CAPN13: variants seen among roughly 807,000 people sequenced by gnomAD.
The protein encoded by CAPN13 is calpain-13.
A neutral mutation model predicts 98.4 loss-of-function variants in CAPN13; 90 were observed. That is an observed-to-expected ratio of 0.92 (90% CI 0.77 to 1.09). The LOEUF is 1.09. Ranked by LOEUF, CAPN13 falls within the 50% of genes least tolerant of loss-of-function variation. The pLI, the probability that CAPN13 is intolerant of heterozygous loss-of-function variation, is 0.00. For missense variants in CAPN13, 887 were observed against 841.3 expected, an observed-to-expected ratio of 1.05 and a Z score of -0.67; for synonymous variants, 330 against 305.5, an observed-to-expected ratio of 1.08 and a Z score of -0.84.
intron 2 of CAPN13, among the ~76,000 whole-genome samples, chr2:30,785,526 T>C (rs1674228932): frequency 6.6e-6 from 1 of 152,204 alleles, no homozygotes; most frequent in Non-Finnish European, 1.5e-5. Flanking sequence ...GAAAAGCAGA[T>C]TCGGCCCCTG....
At chr2:30,800,009 G>A (rs542070765) in intron 1 of CAPN13, among the ~76,000 whole-genome samples, 7 of 151,958 alleles carry the variant, frequency 4.6e-5, no homozygotes, top group Non-Finnish European at 8.8e-5. Flanking sequence ...GGGAGGCAGA[G>A]CTTGCAGTGA....
intron 5 of CAPN13, among the ~76,000 whole-genome samples, chr2:30,768,430 G>A (rs150275805): frequency 3.0e-4 from 46 of 152,296 alleles, no homozygotes; most frequent in African/African-American, 1.0e-3. Flanking sequence ...CTGGGTGGGA[G>A]GAGGAGGAGC....
At chr2:30,728,319 T>C (rs34079417) in intron 22 of CAPN13, among the ~76,000 whole-genome samples, 41,629 of 151,784 alleles carry the variant, frequency 0.27, 6,711 homozygotes, top group East Asian at 0.49. Flanking sequence ...AACTCTACAA[T>C]GTGTGAATTA....
intron 17 of CAPN13, 37 bp downstream of exon 17, chr2:30,738,198 G>C (rs377630629): frequency 6.2e-7 from 1 of 1,612,094 alleles, no homozygotes; most frequent in South Asian, 1.1e-5. Context: ...GAGCTGAGGG[G>C]TGCTCAGAGC....
At chr2:30,797,642 C>G (rs1308605966) in intron 1 of CAPN13, among the ~76,000 whole-genome samples, 1 of 152,178 alleles carries the variant, frequency 6.6e-6, no homozygotes, top group East Asian at 1.9e-4. Flanking sequence ...TGGCCCTGAA[C>G]TTGAGCCCAG....
intron 7 of CAPN13, among the ~76,000 whole-genome samples, chr2:30,761,497 G>T (rs1338264114): frequency 1.3e-5 from 2 of 152,288 alleles, no homozygotes; most frequent in East Asian, 3.9e-4. Context: ...GCCAGCCTCT[G>T]CGGGGACTCA....
At chr2:30,788,339 T>C (rs150522274) in intron 1 of CAPN13, among the ~76,000 whole-genome samples, 9 of 152,310 alleles carry the variant, frequency 5.9e-5, no homozygotes, top group Non-Finnish European at 8.8e-5. Flanking sequence ...CAGTAAATGT[T>C]AGCATCCCAA....
Position 30,738,277 on chromosome 2 carries a change from C to T in CAPN13, c.1611G>A (p.Met537Ile), listed in dbSNP as rs1671476725. Residue 537 changes from methionine (M) to isoleucine (I), a missense_variant, in exon 17 of 23, where the codon ATG (methionine) becomes ATA (isoleucine). Physicochemically the swap from Met to Ile is conservative, Grantham distance 10. Coordinates refer to ENST00000295055, the MANE Select transcript of CAPN13 (RefSeq NM_144575.3). ...QELLTGPPGD[M>I]FSLDECRSLV... is the part of the protein sequence containing the mutation. ...AGCTGCGGCACTCATCTAAGGAGAA[C>T]ATGTCCCCTGGAGGTCCTGAGGAGA... 6.2e-6 allele frequency: 10 copies of T among 1,613,810 alleles called. No individual in the cohort carries two copies. The South Asian group carries it at 1.1e-4, about 18-fold the overall frequency.
At chr2:30,776,204 G>A (rs549517888) in intron 3 of CAPN13, among the ~76,000 whole-genome samples, 159 bp from the exon 4 acceptor site, 1 of 152,208 alleles carries the variant, frequency 6.6e-6, no homozygotes, top group African/African-American at 2.4e-5. Flanking sequence ...GAGTCACAGG[G>A]ACTGGCTCCA....
At position 30,751,193 on chromosome 2, in the gene CAPN13, G is replaced by A. The variant is rs1672159571; in HGVS notation, c.1146C>T (p.Thr382=). 6 of 1,613,966 alleles carry A rather than the reference G, an allele frequency of 3.7e-6. No homozygotes were observed. Among genetic ancestry groups the A allele is most frequent in the Non-Finnish European group, 5.1e-6 (6 of 1,179,874 alleles). The part of the protein sequence containing the change: ...NFSVQEPMEG[T]NVVVCVTVAV... The stretch of plus-strand genomic sequence containing the variant: ...CAACTGTGACGCACACGACAACATT[G>A]GTGCCTTCCATTGGCTCTTGCACAG... Residue 382 remains threonine, a synonymous_variant, in exon 11 of 23, where the codon ACC becomes ACT. Transcript: ENST00000295055.
At chr2:30,741,654 T>A in intron 15 of CAPN13, 1 of 1,339,556 alleles carries the variant, frequency 7.5e-7, no homozygotes, top group Non-Finnish European at 9.6e-7. Flanking sequence ...TCACACCCCA[T>A]AATTATCCCC....
intron 3 of CAPN13, 53 bp from the exon 4 acceptor site, chr2:30,776,098 C>A: frequency 8.2e-7 from 1 of 1,216,068 alleles, no homozygotes; most frequent in Admixed American, 2.0e-5. Flanking sequence ...TGGAAACCCT[C>A]CCCCATAATT....
intron 22 of CAPN13, among the ~76,000 whole-genome samples, chr2:30,725,603 G>A (rs893098156): frequency 9.2e-5 from 14 of 152,168 alleles, no homozygotes; most frequent in South Asian, 2.1e-4. Flanking sequence ...CTTAACTCAG[G>A]ACAAAGACTT....
intron 15 of CAPN13, 191 bp downstream of exon 15, chr2:30,741,717 G>A: frequency 7.0e-7 from 1 of 1,438,662 alleles, no homozygotes; most frequent in South Asian, 1.5e-5. Flanking sequence ...GACACTGGGT[G>A]GGGCGCCACG....
intron 13 of CAPN13, chr2:30,743,056 A>C (rs1263410269): frequency 6.2e-6 from 2 of 321,556 alleles, no homozygotes; most frequent in African/African-American, 2.1e-5. Flanking sequence ...TCCCTTTTAA[A>C]CTATTAAATT....
At position 30,754,369 on chromosome 2, in the gene CAPN13, G is replaced by A. The variant is rs1295468964; in HGVS notation, c.867-5C>T. On this transcript the variant is annotated splice_polypyrimidine_tract_variant and splice_region_variant and intron_variant, in intron 8 of 22. Coordinates refer to ENST00000295055, the MANE Select transcript of CAPN13 (RefSeq NM_144575.3). ...GTTTCCTCCCACTCCTGAGACCTGA[G>A]CATGGACACACAAACCACAGGGTGA... is the stretch of plus-strand genomic sequence containing the variant. 3.1e-6 allele frequency: 5 copies of A among 1,597,406 alleles called. No homozygotes were observed. The highest frequency in any genetic ancestry group is 1.2e-5 in the South Asian group (1 of 86,950).
intron 4 of CAPN13, among the ~76,000 whole-genome samples, chr2:30,770,978 T>C (rs1232058223): frequency 6.6e-6 from 1 of 152,130 alleles, no homozygotes. Context: ...TGGAGACAGA[T>C]GACATGGATG....
chr2:30,740,240 G>A (rs1426427090), intron 15 of CAPN13, among the ~76,000 whole-genome samples: 3 of 152,004 alleles, frequency 2.0e-5, no homozygotes, highest in South Asian at 2.1e-4. Context: ...GACTACAGGC[G>A]TGCGCTACCA....
At chr2:30,782,779 A>G (rs182041611) in intron 2 of CAPN13, among the ~76,000 whole-genome samples, 10 of 152,386 alleles carry the variant, frequency 6.6e-5, no homozygotes, top group Admixed American at 3.9e-4. Context: ...AATGGGTACA[A>G]AGATGAAATT....
Sources: allele counts gnomAD v4.1 joint callset (sites outside exome capture counted in the v4.1 genomes callset), GRCh38; gene constraint gnomAD v4.1.1; transcripts MANE v1.5; gene names NCBI Gene and HGNC (gene_info 2026-07-23, HGNC 2026-07-21).